Variants in RBPJ observed in about 807,000 individuals in gnomAD.
The protein encoded by RBPJ is recombination signal binding protein for immunoglobulin kappa J region.
In RBPJ, 9 loss-of-function variants were observed where a neutral mutation model predicts 67.8. That is an observed-to-expected ratio of 0.13 (90% CI 0.08 to 0.23). RBPJ has a LOEUF of 0.23. Ranked by LOEUF, RBPJ falls within the 10% of genes least tolerant of loss-of-function variation. The pLI is 1.00. For synonymous variants in RBPJ, 198 were observed against 203.3 expected (o/e 0.97, Z 0.22); for missense variants, 305 against 595.6 (o/e 0.51, Z 5.08).
upstream of RBPJ, among the ~76,000 whole-genome samples, chr4:26,158,688 C>T (rs12650853): frequency 6.6e-6 from 1 of 151,938 alleles, no homozygotes; most frequent in Admixed American, 6.5e-5. Context: ...GCAGACCTGG[C>T]AATGAAAGAG....
chr4:26,239,720 A>C (rs1342258710), intron 1 of RBPJ, among the ~76,000 whole-genome samples: 1 of 144,494 alleles, frequency 6.9e-6, no homozygotes, highest in African/African-American at 2.5e-5. Context: ...AAAAAGGAGA[A>C]GAGAAGAGGG....
intron 1 of RBPJ, among the ~76,000 whole-genome samples, chr4:26,210,755 CTTT>C (rs1718382652): frequency 1.0e-5 from 1 of 100,420 alleles, no homozygotes; most frequent in African/African-American, 3.8e-5. Context: ...TTCTTTCCTT[CTTT>C]CTTTCTTTCT....
At chr4:26,427,229 T>C (rs1735768056) in intron 7 of RBPJ, among the ~76,000 whole-genome samples, 1 of 152,146 alleles carries the variant, frequency 6.6e-6, no homozygotes, top group African/African-American at 2.4e-5. Flanking sequence ...AAGCAAGGCA[T>C]CAAGGGTGAC....
intron 1 of RBPJ, among the ~76,000 whole-genome samples, chr4:26,220,201 T>C (rs1471343445): frequency 6.6e-6 from 1 of 152,196 alleles, no homozygotes; most frequent in Non-Finnish European, 1.5e-5. Context: ...GGCTAGTTAA[T>C]ATGCAGATGA....
chr4:26,265,533 AAG>A (rs1720680504), intron 1 of RBPJ, among the ~76,000 whole-genome samples: 1 of 152,024 alleles, frequency 6.6e-6, no homozygotes, highest in Non-Finnish European at 1.5e-5. Context: ...AAAAAAAAAA[AAG>A]AATAGATGAA....
At chr4:26,257,678 C>T (rs941524979) in intron 1 of RBPJ, among the ~76,000 whole-genome samples, 1 of 152,158 alleles carries the variant, frequency 6.6e-6, no homozygotes, top group African/African-American at 2.4e-5. Context: ...ATATGCTGCC[C>T]CTCTATGCTA....
At chr4:26,344,878 C>T (rs1242578670) in intron 1 of RBPJ, among the ~76,000 whole-genome samples, 2 of 152,126 alleles carry the variant, frequency 1.3e-5, no homozygotes, top group African/African-American at 4.8e-5. Context: ...TTCTTAAAGG[C>T]AATGCTTAAC....
At chr4:26,380,169 A>G (rs993312058) in intron 1 of RBPJ, among the ~76,000 whole-genome samples, 5 of 152,196 alleles carry the variant, frequency 3.3e-5, no homozygotes, top group Non-Finnish European at 5.9e-5. Context: ...AAAATTACAT[A>G]TTTATTTAAT....
chr4:26,109,452 CTCTCTCTCTATA>C, the RBPJ span, among the ~76,000 whole-genome samples: 32 of 24,140 alleles, frequency 1.3e-3, 1 homozygote, highest in Admixed American at 3.3e-3. Context: ...CTCTCTCTCT[CTCTCTCTCTATA>C]TATATATATA....
At chr4:26,226,568 G>C (rs1439490757) in intron 1 of RBPJ, among the ~76,000 whole-genome samples, 1 of 152,174 alleles carries the variant, frequency 6.6e-6, no homozygotes, top group Non-Finnish European at 1.5e-5. Flanking sequence ...TTCTAAAATG[G>C]GGAAATTAAG....
intron 2 of RBPJ, among the ~76,000 whole-genome samples, chr4:26,395,323 G>C (rs1182920752): frequency 6.6e-6 from 1 of 152,076 alleles, no homozygotes; most frequent in East Asian, 1.9e-4. Context: ...GGTATTGCCC[G>C]CCTGTGGTCC....
At chr4:26,217,754 A>G (rs1560215753) in intron 1 of RBPJ, among the ~76,000 whole-genome samples, 3 of 152,178 alleles carry the variant, frequency 2.0e-5, no homozygotes, top group Admixed American at 6.5e-5. Context: ...AATTCCTTCC[A>G]CTATGACAAA....
At chr4:26,334,394 C>A (rs1468571466) in intron 1 of RBPJ, among the ~76,000 whole-genome samples, 1 of 151,532 alleles carries the variant, frequency 6.6e-6, no homozygotes, top group Admixed American at 6.6e-5. Context: ...CCTTTTTTGC[C>A]TACAGACCAA....
At chr4:26,179,630 C>A (rs1716911538) in intron 1 of RBPJ, among the ~76,000 whole-genome samples, 1 of 152,068 alleles carries the variant, frequency 6.6e-6, no homozygotes, top group African/African-American at 2.4e-5. Flanking sequence ...CGTCTCATAC[C>A]AGTCAGAATG....
At chr4:26,165,944 T>C (rs1010772815) in intron 1 of RBPJ, among the ~76,000 whole-genome samples, 20 of 148,100 alleles carry the variant, frequency 1.4e-4, no homozygotes, top group African/African-American at 5.0e-4. Context: ...TCAATTCCCA[T>C]CTGTGAGTGA....
At chr4:26,337,540 T>A (rs570925839) in intron 1 of RBPJ, among the ~76,000 whole-genome samples, 1 of 152,064 alleles carries the variant, frequency 6.6e-6, no homozygotes, top group Admixed American at 6.5e-5. Context: ...TTTTTTTTTT[T>A]TATACTGCTG....
At chr4:26,344,327 C>T (rs1040983753) in intron 1 of RBPJ, among the ~76,000 whole-genome samples, 58 of 152,220 alleles carry the variant, frequency 3.8e-4, no homozygotes, top group Non-Finnish European at 3.4e-4. Flanking sequence ...CTCTGCCTCC[C>T]GGGTTCACGC....
At position 26,350,209 on chromosome 4, in the gene RBPJ, A is replaced by G. The variant is rs567902396; in HGVS notation, c.20+29161A>G. ...GCCAGCAAAGACTATAAGCTAAGGTATATTAGAAAAATGGTTTGTACTACC... is the reference window on the plus strand; with the variant it reads ...GCCAGCAAAGACTATAAGCTAAGGTGTATTAGAAAAATGGTTTGTACTACC... On this transcript the variant is annotated intron_variant, in intron 1 of 10. Transcript: ENST00000355476. Among the ~76,000 whole-genome samples, 279 of 152,322 alleles carry G rather than the reference A, an allele frequency of 1.8e-3. 3 individuals are homozygous for G. Among genetic ancestry groups the G allele is most frequent in the South Asian group, 0.013 (64 of 4,826 alleles).
At chr4:26,133,243 AT>A in the RBPJ span, among the ~76,000 whole-genome samples, 2 of 152,238 alleles carry the variant, frequency 1.3e-5, no homozygotes, top group African/African-American at 4.8e-5. Context: ...GACTTTGGGA[AT>A]TCGTTGTGTT....
Sources: gnomAD v4.1 joint callset for allele counts (sites outside exome capture counted in the v4.1 genomes callset) on GRCh38, gnomAD v4.1.1 for gene constraint, MANE v1.5 for transcripts, NCBI Gene and HGNC (gene_info 2026-07-23, HGNC 2026-07-21) for gene names.